Variants in CEP128 observed in about 807,000 individuals in gnomAD.
CEP128 encodes the protein centrosomal protein 128kDa.
Under a neutral mutation model 156.7 loss-of-function variants are expected in CEP128, and 132 were observed. That is an observed-to-expected ratio of 0.84 (90% CI 0.73 to 0.97). CEP128 has a LOEUF of 0.97. CEP128 is among the 50% of genes least tolerant of loss of function. The pLI is 0.00. For synonymous variants in CEP128, 469 were observed against 448.9 expected, an observed-to-expected ratio of 1.04 and a Z score of -0.57; for missense variants, 1,252 against 1,281.9, an observed-to-expected ratio of 0.98 and a Z score of 0.36.
At chr14:80,567,106 T>C (rs1890947641) in intron 20 of CEP128, among the ~76,000 whole-genome samples, 1 of 152,172 alleles carries the variant, frequency 6.6e-6, no homozygotes, top group South Asian at 2.1e-4. Flanking sequence ...ACATTTCCAA[T>C]ATGTTCTGTC....
At chr14:80,730,172 T>C (rs1040877512) in intron 19 of CEP128, among the ~76,000 whole-genome samples, 30 of 152,190 alleles carry the variant, frequency 2.0e-4, no homozygotes, top group Non-Finnish European at 3.1e-4. Context: ...TTGTTCATAA[T>C]CATTGGCATT....
chr14:80,917,451 A>T lies in CEP128; in HGVS notation c.-15-889T>A, dbSNP rs540883129. On this transcript the variant is annotated intron_variant, in intron 2 of 24. Transcript: ENST00000555265. ...GTGGGTTAACATTATTTTAAGATTA[A>T]TTGCTAGAATCTTCCTAAAATCTAT... is the stretch of plus-strand genomic sequence containing the variant. Among the ~76,000 whole-genome samples, 4 of 152,336 alleles carry T rather than the reference A, an allele frequency of 2.6e-5. No homozygotes were observed. In the South Asian group the frequency reaches 8.3e-4, roughly 32 times the overall value.
chr14:80,497,465 T>A lies in CEP128; in HGVS notation c.*14A>T. 1 of 1,540,860 alleles carries A rather than the reference T, an allele frequency of 6.5e-7. No individual in the cohort carries two copies. Among genetic ancestry groups the A allele is most frequent in the Non-Finnish European group, 9.0e-7 (1 of 1,116,844 alleles). ...TAACATACTCATGTAAAATAACAAA[T>A]TACATTTGCTTTTTTAGCTCCCATA... On this transcript the variant is annotated 3_prime_UTR_variant, in exon 25 of 25. Transcript: ENST00000555265.
At chr14:80,729,144 T>A (rs1347656467) in intron 19 of CEP128, among the ~76,000 whole-genome samples, 1 of 141,300 alleles carries the variant, frequency 7.1e-6, no homozygotes, top group East Asian at 2.2e-4. Context: ...CAGTGTTTAG[T>A]CTTTTATCCC....
chr14:80,747,209 A>T (rs1308351136), intron 18 of CEP128, among the ~76,000 whole-genome samples: 1 of 152,226 alleles, frequency 6.6e-6, no homozygotes, highest in Non-Finnish European at 1.5e-5. Context: ...GGTACCATAT[A>T]ACCCAGCAGT....
At chr14:80,611,860 C>A (rs1324828518) in intron 19 of CEP128, among the ~76,000 whole-genome samples, 2 of 152,106 alleles carry the variant, frequency 1.3e-5, no homozygotes, top group Admixed American at 1.3e-4. Context: ...GAGTTCAAGA[C>A]TAGCCTGGCC....
At chr14:80,947,340 C>T (rs1218972487) in intron 2 of CEP128, among the ~76,000 whole-genome samples, 1 of 151,858 alleles carries the variant, frequency 6.6e-6, no homozygotes, top group Non-Finnish European at 1.5e-5. Flanking sequence ...GGGGTGACCA[C>T]AGAAAGCAGA....
chr14:80,721,926 T>C (rs940751988), intron 19 of CEP128, among the ~76,000 whole-genome samples: 4 of 152,216 alleles, frequency 2.6e-5, no homozygotes, highest in African/African-American at 9.6e-5. Context: ...TGAATTAAAT[T>C]AAATGATTAT....
At chr14:80,716,290 G>A (rs926706346) in intron 19 of CEP128, among the ~76,000 whole-genome samples, 3 of 152,066 alleles carry the variant, frequency 2.0e-5, no homozygotes, top group Non-Finnish European at 2.9e-5. Context: ...ATTCACAGAG[G>A]TGTACAACCA....
Position 80,586,237 on chromosome 14 carries a change from G to A in CEP128, c.2807-5814C>T, listed in dbSNP as rs1259080566. Among the ~76,000 whole-genome samples, 7 of 152,154 alleles carry A rather than the reference G, an allele frequency of 4.6e-5. No homozygotes were observed. In the East Asian group the frequency reaches 9.6e-4, roughly 21 times the overall value. ...CTGCTTTTAAGGAAACAGAAGTGGA[G>A]GGCCTGGGGGCCAGCCCACCAAGCT... On this transcript the variant is annotated intron_variant, in intron 19 of 24. Transcript: ENST00000555265.
intron 2 of CEP128, among the ~76,000 whole-genome samples, chr14:80,954,539 C>G (rs927520449): frequency 1.3e-5 from 2 of 152,136 alleles, no homozygotes; most frequent in Non-Finnish European, 2.9e-5. Context: ...CCTGTGTGTT[C>G]CCTCCTGTCT....
chr14:80,682,530 A>C (rs1896363609), intron 19 of CEP128, among the ~76,000 whole-genome samples: 1 of 152,364 alleles, frequency 6.6e-6, no homozygotes, highest in South Asian at 2.1e-4. Flanking sequence ...TATTCGAGGG[A>C]ATAATTCAAG....
At chr14:80,513,082 T>A (rs1888333153) in intron 23 of CEP128, among the ~76,000 whole-genome samples, 1 of 152,170 alleles carries the variant, frequency 6.6e-6, no homozygotes, top group African/African-American at 2.4e-5. Context: ...TACCTTCAGA[T>A]GATATAGTAT....
intron 13 of CEP128, among the ~76,000 whole-genome samples, chr14:80,809,111 T>C (rs935783134): frequency 6.6e-6 from 1 of 151,796 alleles, no homozygotes; most frequent in African/African-American, 2.4e-5. Context: ...AAACAAATAA[T>C]AGAAGGAAGT....
chr14:80,592,768 C>A (rs984560770), intron 19 of CEP128, among the ~76,000 whole-genome samples: 2 of 152,066 alleles, frequency 1.3e-5, no homozygotes, highest in South Asian at 2.1e-4. Flanking sequence ...ACTGGCAAAC[C>A]GAATCCAGCA....
At chr14:80,518,633 T>C (rs1888601660) in intron 23 of CEP128, among the ~76,000 whole-genome samples, 1 of 152,192 alleles carries the variant, frequency 6.6e-6, no homozygotes, top group Non-Finnish European at 1.5e-5. Flanking sequence ...TTTTTCTTCA[T>C]ATATTTTGAC....
At chr14:80,530,667 AC>A in intron 22 of CEP128, 141 bp downstream of exon 22, 1 of 467,270 alleles carries the variant, frequency 2.1e-6, no homozygotes, top group Non-Finnish European at 3.9e-6. Context: ...ATGTCAATAA[AC>A]CCTGATAAGG....
Position 80,516,429 on chromosome 14 carries a change from A to G in CEP128, c.3072+10440T>C, listed in dbSNP as rs577391457. Reference sequence around the variant, plus strand: ...CTGGAGCTGCGAGCTGTATTGCCTCAGTTGGGGGAAAGGTGATGCTAGCAC... The same window carrying G: ...CTGGAGCTGCGAGCTGTATTGCCTCGGTTGGGGGAAAGGTGATGCTAGCAC... On this transcript the variant is annotated intron_variant, in intron 23 of 24. Coordinates refer to ENST00000555265, the MANE Select transcript of CEP128 (RefSeq NM_152446.5). Among the ~76,000 whole-genome samples, 358 of 152,218 alleles carry G rather than the reference A, an allele frequency of 2.4e-3. 3 individuals are homozygous for G. Among genetic ancestry groups the G allele is most frequent in the African/African-American group, 8.1e-3 (337 of 41,528 alleles).
chr14:80,581,911 C>A (rs531996544), intron 19 of CEP128, among the ~76,000 whole-genome samples: 4 of 152,210 alleles, frequency 2.6e-5, no homozygotes, highest in African/African-American at 7.2e-5. Flanking sequence ...CTTCTTGCAT[C>A]TGGGCTGGCC....
Sources: allele counts gnomAD v4.1 joint callset (sites outside exome capture counted in the v4.1 genomes callset), GRCh38; gene constraint gnomAD v4.1.1; transcripts MANE v1.5; gene names NCBI Gene and HGNC (gene_info 2026-07-23, HGNC 2026-07-21).